The following HMX3 variants were observed in gnomAD, a reference collection of about 807,000 sequenced individuals.
HMX3 encodes homeobox protein HMX3.
A neutral mutation model predicts 22.8 loss-of-function variants in HMX3; 8 were observed. The observed-to-expected ratio is 0.35, with a 90% CI of 0.21 to 0.63. The LOEUF (loss-of-function observed/expected upper bound fraction) is 0.63, where lower values mean the gene tolerates loss of function less well. Among genes scored for constraint, HMX3 ranks in the 30% least tolerant of loss-of-function variants. HMX3 has a pLI of 0.72. For missense variants in HMX3, 527 were observed against 520.6 expected (o/e 1.01, Z -0.12); for synonymous variants, 331 against 250.9 (o/e 1.32, Z -3.02).
In HMX3 at chr10:123,136,627, C is replaced by A. The variant is rs1362647084; in HGVS notation, c.400+177C>A. ...GTTGCGCTGCCCGTTAATCCAATCCCACTTGGTGAGAAAAGAAGTGGAATT... is the reference window on the plus strand; with the variant it reads ...GTTGCGCTGCCCGTTAATCCAATCCAACTTGGTGAGAAAAGAAGTGGAATT... On this transcript the variant is annotated intron_variant, in intron 1 of 1. Transcript: ENST00000357878. This position sits in a 1 kb window ranked among gnomAD's most constrained non-coding sequence, Gnocchi z 4.8. Among the ~76,000 whole-genome samples the A allele has an allele frequency of 1.3e-5, 2 of 152,194 alleles. No homozygotes were observed. Among genetic ancestry groups the A allele is most frequent in the Non-Finnish European group, 2.9e-5 (2 of 68,034 alleles).
Position 123,139,071 on chromosome 10 carries a change from G to A in HMX3, c.*1340G>A, listed in dbSNP as rs115222942. ...AAGAAAAAAGTAGGCAGGGGAAAGG[G>A]GGGAAGAAAGAAACAAGCTTAGGTA... On this transcript the variant is annotated 3_prime_UTR_variant, in exon 2 of 2. Coordinates refer to ENST00000357878, the MANE Select transcript of HMX3 (RefSeq NM_001105574.2). Among the ~76,000 whole-genome samples, 4,585 of 152,224 alleles carry A rather than the reference G, an allele frequency of 0.03. 186 individuals carry two copies. Among genetic ancestry groups the A allele is most frequent in the African/African-American group, 0.098 (4,075 of 41,490 alleles).
In HMX3 at chr10:123,137,590, C is replaced by A; in HGVS notation, c.933C>A (p.His311Gln). ...QRIVRVPILY[H>Q]ENSAAEGAAA... ...TCGTGCGGGTGCCCATCCTCTACCA[C>A]GAGAACTCGGCGGCCGAGGGCGCGG... The change falls in exon 2 of 2, where the codon CAC becomes CAA. Residue 311 changes from histidine (H) to glutamine (Q), a missense_variant. Physicochemically the swap from His to Gln is conservative, Grantham distance 24. This residue lies in a region of HMX3 where 100 missense variants were observed against 102.3 expected (regional missense o/e 0.98). Coordinates refer to ENST00000357878, the MANE Select transcript of HMX3 (RefSeq NM_001105574.2). This position sits in a 1 kb window ranked among gnomAD's most constrained non-coding sequence, Gnocchi z 5.8. 6.3e-7 allele frequency: 1 copy of A among 1,596,146 alleles called. No individual in the cohort carries two copies. The highest frequency in any genetic ancestry group is 1.7e-5 in the Admixed American group (1 of 58,592).
Position 123,137,449 on chromosome 10 carries a change from G to A in HMX3, c.792G>A (p.Leu264=), listed in dbSNP as rs1844090383. The A allele has an allele frequency of 1.2e-6, 2 of 1,613,252 alleles. No homozygotes were observed. The highest frequency in any genetic ancestry group is 1.7e-6 in the Non-Finnish European group (2 of 1,179,938). ...SSERAGLAAS[L]HLTETQVKIW... ...AGCGAGCCGGCCTGGCCGCGTCCCT[G>A]CACCTCACCGAGACGCAGGTCAAGA... Residue 264 remains leucine (L), a synonymous_variant, in exon 2 of 2, where the codon CTG becomes CTA. Transcript: ENST00000357878. The surrounding 1 kb of genome is among the most constrained non-coding windows in gnomAD (Gnocchi z 5.8).
Position 123,136,384 on chromosome 10 carries a change from C to A in HMX3, c.334C>A (p.Arg112Ser), listed in dbSNP as rs1033560055. 1 of 1,562,262 alleles carries A rather than the reference C, an allele frequency of 6.4e-7. No individual in the cohort carries two copies. The highest frequency in any genetic ancestry group is 1.4e-5 in the African/African-American group (1 of 71,296). Residue 112 changes from arginine to serine, a missense_variant, in exon 1 of 2, where the codon CGC becomes AGC. By Grantham distance (110) the Arg-to-Ser change is moderately radical. This residue lies in a region of HMX3 where 386 missense variants were observed against 337.8 expected (regional missense o/e 1.14). Transcript: ENST00000357878. The surrounding 1 kb of genome is among the most constrained non-coding windows in gnomAD (Gnocchi z 4.8). ...RFALPAHYLE[R>S]SPAWWYPYTL... Reference sequence around the variant, plus strand: ...TGCCCTGCCCGCGCACTACCTGGAGCGCTCCCCAGCCTGGTGGTACCCCTA... The same window carrying A: ...TGCCCTGCCCGCGCACTACCTGGAGAGCTCCCCAGCCTGGTGGTACCCCTA...
At position 123,138,433 on chromosome 10, in the gene HMX3, C is replaced by G. The variant is rs1844102601; in HGVS notation, c.*702C>G. ...AAAGTGCTGGGATTACAGGCGTGAG[C>G]CACTGCGCCCGGCCTAGTTTATTCC... On this transcript the variant is annotated 3_prime_UTR_variant, in exon 2 of 2. Transcript: ENST00000357878. Among the ~76,000 whole-genome samples, 1 of 152,100 alleles carries G rather than the reference C, an allele frequency of 6.6e-6. No individual in the cohort carries two copies. Among genetic ancestry groups the G allele is most frequent in the African/African-American group, 2.4e-5 (1 of 41,404 alleles).
Position 123,137,150 on chromosome 10 carries a change from A to G in HMX3, c.493A>G (p.Lys165Glu). 1 of 1,607,422 alleles carries G rather than the reference A, an allele frequency of 6.2e-7. No homozygotes were observed. The highest frequency in any genetic ancestry group is 8.5e-7 in the Non-Finnish European group (1 of 1,177,154). Residue 165 changes from lysine (K) to glutamate (E), a missense_variant, in exon 2 of 2, where the codon AAG becomes GAG. Transcript: ENST00000357878. The surrounding 1 kb of genome is among the most constrained non-coding windows in gnomAD (Gnocchi z 5.8). ...EPLLKADPDH[K>E]ELDSKSPDEI... is the part of the protein sequence containing the mutation. ...ACTGCTCAAGGCCGACCCCGATCAC[A>G]AGGAGCTGGACTCCAAGAGCCCGGA...
rs1384925293 is a variant in HMX3 at position 123,136,089 on chromosome 10, C to A, written c.39C>A (p.Ser13Arg). 7.1e-7 allele frequency: 1 copy of A among 1,401,356 alleles called. No individual in the cohort carries two copies. Among genetic ancestry groups the A allele is most frequent in the East Asian group, 3.1e-5 (1 of 32,720 alleles). 86.8% of individuals were successfully genotyped at this position (1,401,356 alleles called of 1,614,324 possible). A position where few individuals can be genotyped will look rare whatever the true frequency, so the allele number is the denominator to read the frequency against. The change falls in exon 1 of 2, where the codon AGC becomes AGA. Residue 13 changes from serine to arginine, a missense_variant. Physicochemically the swap from Ser to Arg is moderately radical, Grantham distance 110 (BLOSUM62 -1). This residue lies in a region of HMX3 where 386 missense variants were observed against 337.8 expected (regional missense o/e 1.14). Coordinates refer to ENST00000357878, the MANE Select transcript of HMX3 (RefSeq NM_001105574.2). The surrounding 1 kb of genome is among the most constrained non-coding windows in gnomAD (Gnocchi z 4.8). The part of the protein sequence containing the change: ...EPGPDAAGTA[S>R]AQPQPPPPPP... ...GGCCGGACGCTGCCGGCACCGCCAG[C>A]GCACAGCCCCAACCGCCGCCGCCCC...
At position 123,138,506 on chromosome 10, in the gene HMX3, T is replaced by C. The variant is rs1844103394; in HGVS notation, c.*775T>C. On this transcript the variant is annotated 3_prime_UTR_variant, in exon 2 of 2. Transcript: ENST00000357878. ...AATCCAGAGAGGGAGAGAATTCATA[T>C]GATAGTACTTTTATTTCTGGATTTC... 6.6e-6 allele frequency among the ~76,000 whole-genome samples: 1 copy of C among 152,234 alleles called. No individual in the cohort carries two copies. Among genetic ancestry groups the C allele is most frequent in the Non-Finnish European group, 1.5e-5 (1 of 68,048 alleles).
rs761835543 is a variant in HMX3, at chr10:123,138,514, C to T, written c.*783C>T. 6.6e-6 allele frequency among the ~76,000 whole-genome samples: 1 copy of T among 152,158 alleles called. No individual in the cohort carries two copies. Among genetic ancestry groups the T allele is most frequent in the Non-Finnish European group, 1.5e-5 (1 of 68,026 alleles). The stretch of plus-strand genomic sequence containing the variant: ...GAGGGAGAGAATTCATATGATAGTA[C>T]TTTTATTTCTGGATTTCTGGGTATG... On this transcript the variant is annotated 3_prime_UTR_variant, in exon 2 of 2. Coordinates refer to ENST00000357878, the MANE Select transcript of HMX3 (RefSeq NM_001105574.2).
rs1286223161 is a variant in HMX3, at chr10:123,137,459, G to C, written c.802G>C (p.Glu268Gln). 2 of 1,613,214 alleles carry C rather than the reference G, an allele frequency of 1.2e-6. No individual in the cohort carries two copies. Among genetic ancestry groups the C allele is most frequent in the Admixed American group, 1.7e-5 (1 of 60,030 alleles). ...CCTGGCCGCGTCCCTGCACCTCACC[G>C]AGACGCAGGTCAAGATCTGGTTCCA... Reference protein sequence around the residue: ...AGLAASLHLTETQVKIWFQNR... With the variant: ...AGLAASLHLTQTQVKIWFQNR... Residue 268 changes from glutamate to glutamine, a missense_variant, in exon 2 of 2, where the codon GAG becomes CAG. Physicochemically the swap from Glu to Gln is conservative, Grantham distance 29. Around this residue, in one of 3 missense-constraint regions of HMX3, gnomAD observed 41 missense variants for 80.6 expected, o/e 0.51. Coordinates refer to ENST00000357878, the MANE Select transcript of HMX3 (RefSeq NM_001105574.2). This position sits in a 1 kb window ranked among gnomAD's most constrained non-coding sequence, Gnocchi z 5.8.
In HMX3 at chr10:123,138,600, C is replaced by G. The variant is rs1044270750; in HGVS notation, c.*869C>G. Among the ~76,000 whole-genome samples the G allele has an allele frequency of 7.9e-5, 12 of 152,186 alleles. No individual in the cohort carries two copies. Among genetic ancestry groups the G allele is most frequent in the Non-Finnish European group, 1.5e-4 (10 of 68,038 alleles). On this transcript the variant is annotated 3_prime_UTR_variant, in exon 2 of 2. Coordinates refer to ENST00000357878, the MANE Select transcript of HMX3 (RefSeq NM_001105574.2). The stretch of plus-strand genomic sequence containing the variant: ...TTAATTTTCAAAATATGAGCAGCCT[C>G]TCATAAGAATCCCGACTCAGGCCGC...
chr10:123,136,072 G>T lies in HMX3; in HGVS notation c.22G>T (p.Ala8Ser). ...GACCATGCCGGAACCCGGGCCGGAC[G>T]CTGCCGGCACCGCCAGCGCACAGCC... MPEPGPD[A>S]AGTASAQPQP... Residue 8 changes from alanine to serine, a missense_variant, in exon 1 of 2, where the codon GCT (alanine) becomes TCT (serine). By Grantham distance (99) the Ala-to-Ser change is moderately conservative. Around this residue, in one of 3 missense-constraint regions of HMX3, gnomAD observed 386 missense variants for 337.8 expected, o/e 1.14. Coordinates refer to ENST00000357878, the MANE Select transcript of HMX3 (RefSeq NM_001105574.2). The surrounding 1 kb of genome is among the most constrained non-coding windows in gnomAD (Gnocchi z 4.8). The T allele has an allele frequency of 7.2e-7, 1 of 1,393,644 alleles. No homozygotes were observed. The highest frequency in any genetic ancestry group is 9.3e-7 in the Non-Finnish European group (1 of 1,072,090). 86.3% of individuals were successfully genotyped at this position (1,393,644 alleles called of 1,614,324 possible).
In HMX3 at chr10:123,136,149, C is replaced by T. The variant is rs1256453509; in HGVS notation, c.99C>T (p.Ile33=). 5 of 1,302,296 alleles carry T rather than the reference C, an allele frequency of 3.8e-6. No homozygotes were observed. The highest frequency in any genetic ancestry group is 6.3e-5 in the Admixed American group (2 of 31,844). 80.7% of individuals were successfully genotyped at this position (1,302,296 alleles called of 1,614,324 possible). The change falls in exon 1 of 2, where the codon ATC becomes ATT. Residue 33 remains isoleucine (I), a synonymous_variant. Coordinates refer to ENST00000357878, the MANE Select transcript of HMX3 (RefSeq NM_001105574.2). This position sits in a 1 kb window ranked among gnomAD's most constrained non-coding sequence, Gnocchi z 4.8. ...PPAPKESPFS[I]KNLLNGDHHR... ...CTCCCAAGGAGTCCCCGTTCTCCATCAAGAACCTGCTCAACGGAGACCACC... is the reference window on the plus strand; with the variant it reads ...CTCCCAAGGAGTCCCCGTTCTCCATTAAGAACCTGCTCAACGGAGACCACC...
chr10:123,136,110 GCC>G lies in HMX3; in HGVS notation c.67_68del (p.Pro23ThrfsTer24). On this transcript the variant is annotated frameshift_variant, in exon 1 of 2. Transcript: ENST00000357878. LOFTEE classifies it high-confidence loss of function. The surrounding 1 kb of genome is among the most constrained non-coding windows in gnomAD (Gnocchi z 4.8). ...TASAQPQPPP[P>X]PPPAPKESPF... ...CCAGCGCACAGCCCCAACCGCCGCC[GCC>G]CCCCCCACCCGCTCCCAAGGAGTCC... The G allele has an allele frequency of 7.9e-7, 1 of 1,261,622 alleles. No homozygotes were observed. The highest frequency in any genetic ancestry group is 1.0e-6 in the Non-Finnish European group (1 of 986,956). The allele number at this position is 1,261,622 out of a possible 1,614,324, so 78.2% of individuals were successfully genotyped here.
chr10:123,137,605 C>G lies in HMX3; in HGVS notation c.948C>G (p.Ala316=). 2.5e-6 allele frequency: 4 copies of G among 1,577,186 alleles called. No homozygotes were observed. The South Asian group carries it at 4.5e-5, about 18-fold the overall frequency. Residue 316 remains alanine (A), a synonymous_variant, in exon 2 of 2, where the codon GCC becomes GCG. Coordinates refer to ENST00000357878, the MANE Select transcript of HMX3 (RefSeq NM_001105574.2). This position sits in a 1 kb window ranked among gnomAD's most constrained non-coding sequence, Gnocchi z 5.8. ...VPILYHENSA[A]EGAAAAAAGA... The stretch of plus-strand genomic sequence containing the variant: ...TCCTCTACCACGAGAACTCGGCGGC[C>G]GAGGGCGCGGCGGCTGCAGCCGCGG...
At position 123,136,942 on chromosome 10, in the gene HMX3, T is replaced by C; in HGVS notation, c.401-116T>C. The C allele has an allele frequency of 7.9e-7, 1 of 1,271,370 alleles. No homozygotes were observed. The highest frequency in any genetic ancestry group is 2.9e-5 in the Admixed American group (1 of 34,710). The allele number at this position is 1,271,370 out of a possible 1,614,324, so 78.8% of individuals were successfully genotyped here. A position where few individuals can be genotyped will look rare whatever the true frequency, so the allele number is the denominator to read the frequency against. On this transcript the variant is annotated intron_variant, in intron 1 of 1. Coordinates refer to ENST00000357878, the MANE Select transcript of HMX3 (RefSeq NM_001105574.2). This position sits in a 1 kb window ranked among gnomAD's most constrained non-coding sequence, Gnocchi z 4.8. The stretch of plus-strand genomic sequence containing the variant: ...GGCAGCCCGCGGGAATGGTGAGGCC[T>C]CATGGCCTGGGACCTGGAGGCCGGC...
Position 123,135,982 on chromosome 10 carries a change from C to T in HMX3, c.-69C>T. The T allele has an allele frequency of 1.5e-6, 2 of 1,294,264 alleles. No homozygotes were observed. Among genetic ancestry groups the T allele is most frequent in the Non-Finnish European group, 2.0e-6 (2 of 1,016,016 alleles). 80.2% of individuals were successfully genotyped at this position (1,294,264 alleles called of 1,614,324 possible). ...CCGTTTATGGTCTGATTTCCGGCCT[C>T]TCGCCTGCTCGCCCCGCCGCCCGCC... is the stretch of plus-strand genomic sequence containing the variant. On this transcript the variant is annotated 5_prime_UTR_variant, in exon 1 of 2. Coordinates refer to ENST00000357878, the MANE Select transcript of HMX3 (RefSeq NM_001105574.2).
Position 123,137,332 on chromosome 10 carries a change from C to T in HMX3, c.675C>T (p.Cys225=). Residue 225 remains cysteine (C), a synonymous_variant, in exon 2 of 2, where the codon TGC becomes TGT. Coordinates refer to ENST00000357878, the MANE Select transcript of HMX3 (RefSeq NM_001105574.2). The surrounding 1 kb of genome is among the most constrained non-coding windows in gnomAD (Gnocchi z 5.8). ...GAESPEKKPA[C]RKKKTRTVFS... ...AAAGTCCAGAGAAGAAGCCGGCGTG[C>T]CGCAAGAAGAAGACGCGCACAGTCT... 6.2e-7 allele frequency: 1 copy of T among 1,611,646 alleles called. No individual in the cohort carries two copies. The highest frequency in any genetic ancestry group is 8.5e-7 in the Non-Finnish European group (1 of 1,179,254).
chr10:123,136,090 G>A lies in HMX3; in HGVS notation c.40G>A (p.Ala14Thr), dbSNP rs1844068731. 1 of 1,400,728 alleles carries A rather than the reference G, an allele frequency of 7.1e-7. No homozygotes were observed. Among genetic ancestry groups the A allele is most frequent in the Non-Finnish European group, 9.3e-7 (1 of 1,076,496 alleles). The allele number at this position is 1,400,728 out of a possible 1,614,324, so 86.8% of individuals were successfully genotyped here. ...PGPDAAGTASAQPQPPPPPPP... is the reference protein window; with the variant it reads ...PGPDAAGTASTQPQPPPPPPP... ...GCCGGACGCTGCCGGCACCGCCAGC[G>A]CACAGCCCCAACCGCCGCCGCCCCC... Residue 14 changes from alanine (A) to threonine (T), a missense_variant, in exon 1 of 2, where the codon GCA becomes ACA. Ala to Thr is a moderately conservative substitution (Grantham distance 58, BLOSUM62 0). This residue lies in a region of HMX3 where 386 missense variants were observed against 337.8 expected (regional missense o/e 1.14). Coordinates refer to ENST00000357878, the MANE Select transcript of HMX3 (RefSeq NM_001105574.2). The surrounding 1 kb of genome is among the most constrained non-coding windows in gnomAD (Gnocchi z 4.8).
Sources: allele counts gnomAD v4.1 joint callset (sites outside exome capture counted in the v4.1 genomes callset), GRCh38; gene constraint gnomAD v4.1.1; regional missense constraint gnomAD v4.1.1; non-coding constraint Gnocchi (gnomAD v3.1); transcripts MANE v1.5; gene names NCBI Gene and HGNC (gene_info 2026-07-23, HGNC 2026-07-21).